Variants in DYRK3 observed in about 807,000 individuals in gnomAD.
The protein encoded by DYRK3 is dual specificity tyrosine-phosphorylation-regulated kinase 3.
Under a neutral mutation model 40.8 loss-of-function variants are expected in DYRK3, and 30 were observed. The ratio of observed to expected loss-of-function variants is 0.74; its 90% CI spans 0.55 to 1.00. DYRK3 has a LOEUF of 1.00. Among genes scored for constraint, DYRK3 ranks in the 50% least tolerant of loss-of-function variants. The probability of loss-of-function intolerance (pLI) is 0.00; values close to 1 mark genes in which losing one functional copy is unlikely to be tolerated. For missense variants in DYRK3, 699 were observed against 731.5 expected (o/e 0.96, Z 0.51); for synonymous variants, 272 against 260.7 (o/e 1.04, Z -0.42).
At chr1:206,636,646 C>T (rs1671120832) in intron 1 of DYRK3, among the ~76,000 whole-genome samples, 1 of 52,408 alleles carries the variant, frequency 1.9e-5, no homozygotes, top group Admixed American at 2.0e-4. Context: ...TTTCACAAAA[C>T]AGTTTTTAAG....
rs1553421432 is a variant in DYRK3, at chr1:206,652,382, G to T, written c.*3417G>T. Among the ~76,000 whole-genome samples the T allele has an allele frequency of 6.6e-6, 1 of 152,184 alleles. No individual in the cohort carries two copies. The highest frequency in any genetic ancestry group is 2.4e-5 in the African/African-American group (1 of 41,440). ...TCTAGCCAGTACTGTGCCTGAACTT[G>T]GGAGAGAAAGGGGCCTGTGGCTGAG... is the stretch of plus-strand genomic sequence containing the variant. On this transcript the variant is annotated 3_prime_UTR_variant, in exon 3 of 3. Transcript: ENST00000367109.
At position 206,637,735 on chromosome 1, in the gene DYRK3, G is replaced by A. The variant is rs1553418599; in HGVS notation, c.163G>A (p.Glu55Lys). The change falls in exon 2 of 3, where the codon GAA becomes AAA. Residue 55 changes from glutamate to lysine, a missense_variant. Glu to Lys is a moderately conservative substitution (Grantham distance 56). Coordinates refer to ENST00000367109, the MANE Select transcript of DYRK3 (RefSeq NM_003582.4). ...PCSNVLCNPSEPPPPRRLNMT... is the reference protein window; with the variant it reads ...PCSNVLCNPSKPPPPRRLNMT... ...TTCAAATGTACTCTGCAATCCTTCT[G>A]AACCACCTCCACCCAGAAGACTAAA... is the stretch of plus-strand genomic sequence containing the variant. 6.2e-7 allele frequency: 1 copy of A among 1,613,748 alleles called. No individual in the cohort carries two copies. Among genetic ancestry groups the A allele is most frequent in the Non-Finnish European group, 8.5e-7 (1 of 1,179,762 alleles).
In DYRK3 at chr1:206,648,353, C is replaced by T. The variant is rs1209770081; in HGVS notation, c.1155C>T (p.Arg385=). The T allele has an allele frequency of 1.2e-6, 2 of 1,614,030 alleles. No homozygotes were observed. Among genetic ancestry groups the T allele is most frequent in the Non-Finnish European group, 1.7e-6 (2 of 1,180,046 alleles). The stretch of plus-strand genomic sequence containing the variant: ...CTCCAGAAATCATCTTAGGAAGCCG[C>T]TACAGCACACCAATTGACATATGGA... ...YRAPEIILGS[R]YSTPIDIWSF... is the part of the protein sequence containing the mutation. Residue 385 remains arginine (R), a synonymous_variant, in exon 3 of 3, where the codon CGC becomes CGT. Coordinates refer to ENST00000367109, the MANE Select transcript of DYRK3 (RefSeq NM_003582.4).
chr1:206,637,791 G>T, intron 2 of DYRK3, 30 bp downstream of exon 2: 1 of 1,558,272 alleles, frequency 6.4e-7, no homozygotes, highest in Non-Finnish European at 8.8e-7. Context: ...CTTTGTACAT[G>T]AATTGTTTTG....
chr1:206,648,747 T>C lies in DYRK3; in HGVS notation c.1549T>C (p.Leu517=). 3 of 1,614,046 alleles carry C rather than the reference T, an allele frequency of 1.9e-6. No individual in the cohort carries two copies. Among genetic ancestry groups the C allele is most frequent in the Non-Finnish European group, 2.5e-6 (3 of 1,179,964 alleles). ...PSARLTPAQA[L]RHPWISKSVP... ...TGCCCGCTTGACCCCAGCTCAAGCA[T>C]TAAGACACCCTTGGATTAGCAAGTC... Residue 517 remains leucine (L), a synonymous_variant, in exon 3 of 3, where the codon TTA becomes CTA. Coordinates refer to ENST00000367109, the MANE Select transcript of DYRK3 (RefSeq NM_003582.4).
At chr1:206,645,356 T>C (rs1458842465) in intron 2 of DYRK3, among the ~76,000 whole-genome samples, 1 of 152,240 alleles carries the variant, frequency 6.6e-6, no homozygotes, top group Non-Finnish European at 1.5e-5. Context: ...ATCAAACAGA[T>C]AAAGGACATA....
chr1:206,636,919 AT>A, intron 1 of DYRK3: 1 of 1,613,644 alleles, frequency 6.2e-7, no homozygotes, highest in Non-Finnish European at 8.5e-7. Flanking sequence ...ATCCTTAATC[AT>A]TTAGAATTTT....
At position 206,648,638 on chromosome 1, in the gene DYRK3, C is replaced by T; in HGVS notation, c.1440C>T (p.Ser480=). The change falls in exon 3 of 3, where the codon AGC becomes AGT. Residue 480 remains serine (S), a synonymous_variant. Coordinates refer to ENST00000367109, the MANE Select transcript of DYRK3 (RefSeq NM_003582.4). ...GTAAAAAGCGGGGTCCCCCAGGCAG[C>T]AAAGACTGGGGGACAGCACTGAAAG... ...RRGKKRGPPG[S]KDWGTALKGC... is the part of the protein sequence containing the mutation. 5 of 1,613,648 alleles carry T rather than the reference C, an allele frequency of 3.1e-6. No individual in the cohort carries two copies. The highest frequency in any genetic ancestry group is 4.2e-6 in the Non-Finnish European group (5 of 1,179,698).
chr1:206,644,686 C>T (rs1671397991), intron 2 of DYRK3, among the ~76,000 whole-genome samples: 1 of 152,104 alleles, frequency 6.6e-6, no homozygotes, highest in African/African-American at 2.4e-5. Context: ...AATGCAGGTG[C>T]GCGCCACTAC....
chr1:206,647,765 G>T lies in DYRK3; in HGVS notation c.567G>T (p.Gly189=). The T allele has an allele frequency of 6.2e-7, 1 of 1,614,090 alleles. No individual in the cohort carries two copies. Among genetic ancestry groups the T allele is most frequent in the Non-Finnish European group, 8.5e-7 (1 of 1,180,018 alleles). Reference sequence around the variant, plus strand: ...TTATTGGTGGTCCCAATAATGGAGGGTATGATGATGCAGATGGGGCCTATA... The same window carrying T: ...TTATTGGTGGTCCCAATAATGGAGGTTATGATGATGCAGATGGGGCCTATA... ...HGVIGGPNNG[G]YDDADGAYIH... is the part of the protein sequence containing the mutation. The change falls in exon 3 of 3, where the codon GGG becomes GGT. Residue 189 remains glycine (G), a synonymous_variant. Coordinates refer to ENST00000367109, the MANE Select transcript of DYRK3 (RefSeq NM_003582.4).
chr1:206,642,787 A>AG lies in DYRK3; in HGVS notation c.190-4595dup, dbSNP rs1266493838. Among the ~76,000 whole-genome samples the AG allele has an allele frequency of 4.6e-5, 7 of 151,788 alleles. No individual in the cohort carries two copies. The South Asian group carries it at 1.5e-3, about 32-fold the overall frequency. On this transcript the variant is annotated intron_variant, in intron 2 of 2. Transcript: ENST00000367109. ...CCAGGACCTGTCGTGGGGTGGGAGG[A>AG]GGGGGGAGGGATAGCATTAGGAGAT...
At position 206,647,539 on chromosome 1, in the gene DYRK3, C is replaced by T; in HGVS notation, c.341C>T (p.Thr114Ile). 1.2e-6 allele frequency: 2 copies of T among 1,614,166 alleles called. No individual in the cohort carries two copies. The highest frequency in any genetic ancestry group is 1.7e-6 in the Non-Finnish European group (2 of 1,180,042). The change falls in exon 3 of 3, where the codon ACT (threonine) becomes ATT (isoleucine). Residue 114 changes from threonine (T) to isoleucine (I), a missense_variant. Transcript: ENST00000367109. ...GISDSEKCSP[T>I]VSQGKSSDCL... is the part of the protein sequence containing the mutation. ...AGTGACTCTGAAAAATGCTCTCCTA[C>T]TGTTTCTCAGGGTAAAAGTTCAGAT...
At position 206,648,050 on chromosome 1, in the gene DYRK3, T is replaced by C. The variant is rs560144939; in HGVS notation, c.852T>C (p.Val284=). The C allele has an allele frequency of 5.0e-6, 8 of 1,614,166 alleles. No individual in the cohort carries two copies. The South Asian group carries it at 7.7e-5, about 16-fold the overall frequency. The stretch of plus-strand genomic sequence containing the variant: ...AAAGTTTCACATTCCGGAACCATGT[T>C]TGCATGGCCTTTGAATTGCTGAGCA... The part of the protein sequence containing the change: ...MLESFTFRNH[V]CMAFELLSID... Residue 284 remains valine (V), a synonymous_variant, in exon 3 of 3, where the codon GTT becomes GTC. Coordinates refer to ENST00000367109, the MANE Select transcript of DYRK3 (RefSeq NM_003582.4).
rs1553421055 is a variant in DYRK3, at chr1:206,649,637, C to T, written c.*672C>T. ...AAGCCTTACCACTTTACTAAATAAC[C>T]CTGTAAGGTACTGATTTAAAAACTG... is the stretch of plus-strand genomic sequence containing the variant. On this transcript the variant is annotated 3_prime_UTR_variant, in exon 3 of 3. Transcript: ENST00000367109. Among the ~76,000 whole-genome samples, 1 of 152,200 alleles carries T rather than the reference C, an allele frequency of 6.6e-6. No homozygotes were observed. The highest frequency in any genetic ancestry group is 2.4e-5 in the African/African-American group (1 of 41,450).
chr1:206,647,173 A>G (rs1483933770), intron 2 of DYRK3, among the ~76,000 whole-genome samples: 9 of 152,074 alleles, frequency 5.9e-5, no homozygotes, highest in African/African-American at 2.2e-4. Flanking sequence ...CAAGGCATGT[A>G]TGGGGGTTAG....
Position 206,648,521 on chromosome 1 carries a change from C to T in DYRK3, c.1323C>T (p.Tyr441=), listed in dbSNP as rs369066165. Reference sequence around the variant, plus strand: ...TGGAGCAATCCAAACGTGCCAAGTACTTTATTAATTCCAAGGGCATACCCC... The same window carrying T: ...TGGAGCAATCCAAACGTGCCAAGTATTTTATTAATTCCAAGGGCATACCCC... ...KLLEQSKRAK[Y]FINSKGIPRY... is the part of the protein sequence containing the mutation. Residue 441 remains tyrosine (Y), a synonymous_variant, in exon 3 of 3, where the codon TAC becomes TAT. Coordinates refer to ENST00000367109, the MANE Select transcript of DYRK3 (RefSeq NM_003582.4). The T allele has an allele frequency of 2.3e-5, 37 of 1,614,044 alleles. No individual in the cohort carries two copies. In the African/African-American group the frequency reaches 4.7e-4, roughly 20 times the overall value.
At position 206,651,426 on chromosome 1, in the gene DYRK3, C is replaced by G. The variant is rs1039782169; in HGVS notation, c.*2461C>G. Among the ~76,000 whole-genome samples the G allele has an allele frequency of 1.1e-4, 16 of 152,244 alleles. No individual in the cohort carries two copies. Among genetic ancestry groups the G allele is most frequent in the African/African-American group, 3.9e-4 (16 of 41,472 alleles). On this transcript the variant is annotated 3_prime_UTR_variant, in exon 3 of 3. Transcript: ENST00000367109. ...CTGTGTTCTTGGATCAGCCTTCTTTCAACTACCAAGAAATGGATGATTTCT... is the reference window on the plus strand; with the variant it reads ...CTGTGTTCTTGGATCAGCCTTCTTTGAACTACCAAGAAATGGATGATTTCT...
chr1:206,636,560 A>C (rs1244544177), intron 1 of DYRK3, among the ~76,000 whole-genome samples: 3 of 152,246 alleles, frequency 2.0e-5, no homozygotes, highest in Non-Finnish European at 4.4e-5. Context: ...TAAAAAGAGC[A>C]TTCCAAAAAT....
intron 2 of DYRK3, among the ~76,000 whole-genome samples, chr1:206,638,525 C>T (rs546149871): frequency 4.0e-5 from 6 of 150,982 alleles, no homozygotes; most frequent in African/African-American, 7.3e-5. Context: ...CCACCCGCCT[C>T]GGCTTCCCAA....
Sources: gnomAD v4.1 joint callset for allele counts (sites outside exome capture counted in the v4.1 genomes callset) on GRCh38, gnomAD v4.1.1 for gene constraint, MANE v1.5 for transcripts, NCBI Gene and HGNC (gene_info 2026-07-23, HGNC 2026-07-21) for gene names.